Variants in METTL15 observed in about 807,000 individuals in gnomAD.
The protein encoded by METTL15 is 12S rRNA N(4)-cytidine methyltransferase METTL15.
METTL15 carries 34 observed loss-of-function variants against 38.3 expected under a neutral mutation model. The ratio of observed to expected loss-of-function variants is 0.89; its 90% confidence interval spans 0.68 to 1.18. METTL15 has a LOEUF of 1.18. METTL15 is among the 50% of genes most tolerant of loss of function. The probability of loss-of-function intolerance (pLI) is 0.00; values close to 1 mark genes in which losing one functional copy is unlikely to be tolerated. For missense variants in METTL15, 438 were observed against 498.4 expected (o/e 0.88, Z 1.15); for synonymous variants, 162 against 170.9 (o/e 0.95, Z 0.41).
In METTL15 at chr11:28,211,147, A is replaced by G; in HGVS notation, c.356A>G (p.Asp119Gly). The G allele has an allele frequency of 6.2e-7, 1 of 1,612,976 alleles. No individual in the cohort carries two copies. Among genetic ancestry groups the G allele is most frequent in the South Asian group, 1.1e-5 (1 of 90,960 alleles). The part of the protein sequence containing the change: ...KESDIVLYAL[D>G]RDPTAYALAE... ...TCAGATATTGTTCTCTATGCCTTGGACAGAGACCCAACAGCTTATGCATTA... is the reference window on the plus strand; with the variant it reads ...TCAGATATTGTTCTCTATGCCTTGGGCAGAGACCCAACAGCTTATGCATTA... The change falls in exon 4 of 7, where the codon GAC becomes GGC. Residue 119 changes from aspartate (D) to glycine (G), a missense_variant. Transcript: ENST00000407364.
intron 6 of METTL15, among the ~76,000 whole-genome samples, chr11:28,505,901 T>C (rs1232956070): frequency 6.6e-6 from 1 of 152,144 alleles, no homozygotes; most frequent in African/African-American, 2.4e-5. Flanking sequence ...GGAAAGAGAG[T>C]GCACACTTCT....
At chr11:28,286,024 A>G (rs1397080275) in intron 4 of METTL15, among the ~76,000 whole-genome samples, 1 of 152,140 alleles carries the variant, frequency 6.6e-6, no homozygotes, top group Admixed American at 6.6e-5. Context: ...GGAGAAACAG[A>G]ATCAATAAGA....
In METTL15 at chr11:28,159,651, G is replaced by A. The variant is rs755189422; in HGVS notation, c.270+46047G>A. Among the ~76,000 whole-genome samples the A allele has an allele frequency of 4.6e-5, 7 of 152,126 alleles. No homozygotes were observed. The South Asian group carries it at 8.3e-4, about 18-fold the overall frequency. ...TATACACTTGTACTAAGAAAATATC[G>A]TCATTTTATTTCCTTTCTCCTTTAT... On this transcript the variant is annotated intron_variant, in intron 3 of 6. Transcript: ENST00000407364.
intron 5 of METTL15, among the ~76,000 whole-genome samples, chr11:28,407,247 A>G (rs1215919203): frequency 1.3e-5 from 2 of 152,232 alleles, no homozygotes. Context: ...CATGCAGGAC[A>G]TAGGCATGGG....
rs779025451 is a variant in METTL15 at position 28,347,559 on chromosome 11, C to T, written c.*190-4531C>T. 5.9e-5 allele frequency among the ~76,000 whole-genome samples: 9 copies of T among 152,324 alleles called. No individual in the cohort carries two copies. The South Asian group carries it at 8.3e-4, about 14-fold the overall frequency. On this transcript the variant is annotated intron_variant and NMD_transcript_variant, in intron 3 of 7. Transcript: ENST00000532947. ...CAGAGGACCTGGACTAACCCATCAACGCTAATGTCTTTTCCAATTCCTTCA... is the reference window on the plus strand; with the variant it reads ...CAGAGGACCTGGACTAACCCATCAATGCTAATGTCTTTTCCAATTCCTTCA...
chr11:28,218,884 C>T (rs1344687409), intron 4 of METTL15, among the ~76,000 whole-genome samples: 2 of 152,196 alleles, frequency 1.3e-5, no homozygotes, highest in Non-Finnish European at 2.9e-5. Flanking sequence ...TATATTGAAG[C>T]AGCCTTGCAT....
chr11:28,305,716 G>A (rs1857060814), intron 6 of METTL15, among the ~76,000 whole-genome samples: 1 of 151,988 alleles, frequency 6.6e-6, no homozygotes, highest in South Asian at 2.1e-4. Context: ...ATAAATAATG[G>A]AGTCATGAAC....
chr11:28,166,960 T>A (rs1456568783), intron 3 of METTL15, among the ~76,000 whole-genome samples: 1 of 152,080 alleles, frequency 6.6e-6, no homozygotes, highest in Admixed American at 6.5e-5. Context: ...AAAAAATAAA[T>A]AAAAATACTG....
At chr11:28,142,131 A>G (rs1590800216) in intron 3 of METTL15, among the ~76,000 whole-genome samples, 2 of 152,344 alleles carry the variant, frequency 1.3e-5, no homozygotes, top group African/African-American at 4.8e-5. Flanking sequence ...ATGAAAACAA[A>G]TTTAGTTTAA....
intron 6 of METTL15, among the ~76,000 whole-genome samples, chr11:28,513,520 G>T (rs1414875698): frequency 1.3e-5 from 2 of 152,152 alleles, no homozygotes; most frequent in African/African-American, 4.8e-5. Flanking sequence ...CGGTTGGGGA[G>T]ACCCTAACCC....
At chr11:28,345,334 G>A (rs907126034) in intron 3 of METTL15, among the ~76,000 whole-genome samples, 2 of 152,044 alleles carry the variant, frequency 1.3e-5, no homozygotes, top group African/African-American at 4.8e-5. Flanking sequence ...GACTACAGGC[G>A]TGCGCCACCA....
rs144701054 is a variant in METTL15 at position 28,362,352 on chromosome 11, G to A, written c.*358+316G>A. 2.5e-3 allele frequency among the ~76,000 whole-genome samples: 379 copies of A among 152,088 alleles called. 1 individual carries two copies. The highest frequency in any genetic ancestry group is 7.4e-3 in the African/African-American group (307 of 41,486). On this transcript the variant is annotated intron_variant and NMD_transcript_variant, in intron 5 of 7. Coordinates refer to the METTL15 transcript ENST00000532947. ...TTTTTTAATTTCAACTTTTACTATA[G>A]ATTAAAGGGTACAACATAAAGATTT...
intron 6 of METTL15, among the ~76,000 whole-genome samples, chr11:28,430,775 G>A (rs1850916541): frequency 9.3e-6 from 1 of 107,660 alleles, no homozygotes; most frequent in Admixed American, 8.6e-5. Context: ...GAGGTGAGGG[G>A]CGCCTCTGCC....
chr11:28,385,477 C>T (rs932061819), intron 5 of METTL15, among the ~76,000 whole-genome samples: 1 of 151,870 alleles, frequency 6.6e-6, no homozygotes, highest in African/African-American at 2.4e-5. Context: ...TTTCTGTGCT[C>T]TTTATTTTGT....
chr11:28,387,216 T>G (rs1275116985), intron 5 of METTL15, among the ~76,000 whole-genome samples: 2 of 151,270 alleles, frequency 1.3e-5, no homozygotes, highest in East Asian at 3.9e-4. Context: ...AGAGTAGAAA[T>G]AAATAAAATA....
At chr11:28,366,312 C>T (rs929722802) in intron 5 of METTL15, among the ~76,000 whole-genome samples, 26 of 152,006 alleles carry the variant, frequency 1.7e-4, no homozygotes, top group African/African-American at 5.3e-4. Flanking sequence ...GATGTTAATA[C>T]AGAAGCAGAC....
intron 6 of METTL15, among the ~76,000 whole-genome samples, chr11:28,463,094 A>G (rs1404128371): frequency 6.6e-6 from 1 of 152,120 alleles, no homozygotes; most frequent in African/African-American, 2.4e-5. Flanking sequence ...ATGAAAAGCT[A>G]GACATATATT....
At chr11:28,240,293 A>G (rs988839925) in intron 4 of METTL15, among the ~76,000 whole-genome samples, 1 of 152,204 alleles carries the variant, frequency 6.6e-6, no homozygotes, top group African/African-American at 2.4e-5. Flanking sequence ...TTGTTAAACG[A>G]GAAGAATGTG....
intron 4 of METTL15, among the ~76,000 whole-genome samples, chr11:28,226,455 TA>T (rs1257464358): frequency 1.3e-5 from 2 of 152,002 alleles, no homozygotes; most frequent in Non-Finnish European, 2.9e-5. Flanking sequence ...GTTACAAAAA[TA>T]TTTTTTCATA....
Sources: gnomAD v4.1 joint callset for allele counts (sites outside exome capture counted in the v4.1 genomes callset) on GRCh38, gnomAD v4.1.1 for gene constraint, MANE v1.5 for transcripts, NCBI Gene and HGNC (gene_info 2026-07-23, HGNC 2026-07-21) for gene names.